CA10: variants seen among roughly 807,000 people sequenced by gnomAD.
CA10 encodes carbonic anhydrase-related protein 10.
In CA10, 14 loss-of-function variants were observed where a neutral mutation model predicts 44.2. That is an observed-to-expected ratio of 0.32 (90% confidence interval 0.21 to 0.50). CA10 has a LOEUF of 0.50. Among genes scored for constraint, CA10 ranks in the 20% least tolerant of loss-of-function variants. The pLI is 0.99. For synonymous variants in CA10, 159 were observed against 141.6 expected (o/e 1.12, Z -0.87); for missense variants, 350 against 409.7 (o/e 0.85, Z 1.26).
At chr17:52,050,258 C>A (rs1162746411) in intron 2 of CA10, among the ~76,000 whole-genome samples, 4 of 143,784 alleles carry the variant, frequency 2.8e-5, no homozygotes, top group Admixed American at 1.4e-4. Context: ...GCTTTTTTTT[C>A]CCCCATTCAA....
At chr17:51,730,664 G>T (rs999050154) in intron 4 of CA10, among the ~76,000 whole-genome samples, 2 of 152,012 alleles carry the variant, frequency 1.3e-5, no homozygotes, top group African/African-American at 2.4e-5. Context: ...CATATTAAAG[G>T]TCCACTGTAA....
chr17:51,727,337 G>C (rs1430568429), intron 4 of CA10, among the ~76,000 whole-genome samples: 1 of 152,090 alleles, frequency 6.6e-6, no homozygotes, highest in African/African-American at 2.4e-5. Flanking sequence ...ATCACCTGTG[G>C]AGTAGGAGGG....
Position 51,717,741 on chromosome 17 carries a change from A to ATGTGTATATATG in CA10, c.465+29891_465+29892insCATATATACACA, listed in dbSNP as rs1916186837. On this transcript the variant is annotated intron_variant, in intron 4 of 8. Transcript: ENST00000451037. ...TACGTATATATACATATATACGTAT[A>ATGTGTATATATG]TATACATGTATATATACGTATATAT... is the stretch of plus-strand genomic sequence containing the variant. 7.0e-4 allele frequency among the ~76,000 whole-genome samples: 24 copies of ATGTGTATATATG among 34,316 alleles called. 6 individuals are homozygous for ATGTGTATATATG. Among genetic ancestry groups the ATGTGTATATATG allele is most frequent in the Admixed American group, 1.4e-3 (3 of 2,184 alleles). The allele number at this position is 34,316 out of a possible 152,430, so 22.5% of individuals were successfully genotyped here.
At chr17:51,683,090 A>T (rs1400214975) in intron 4 of CA10, among the ~76,000 whole-genome samples, 1 of 152,178 alleles carries the variant, frequency 6.6e-6, no homozygotes, top group Non-Finnish European at 1.5e-5. Context: ...ACTTCATTAA[A>T]CTGTAATTCA....
At chr17:51,985,129 T>C (rs1242367247) in intron 2 of CA10, among the ~76,000 whole-genome samples, 1 of 151,920 alleles carries the variant, frequency 6.6e-6, no homozygotes, top group Non-Finnish European at 1.5e-5. Flanking sequence ...AAATACTAGC[T>C]AACTGAATCC....
At chr17:51,634,549 AAGAAG>A (rs1480280255) in intron 7 of CA10, among the ~76,000 whole-genome samples, 4 of 152,120 alleles carry the variant, frequency 2.6e-5, no homozygotes, top group African/African-American at 9.7e-5. Context: ...CCTCTCAATA[AAGAAG>A]AGGAGTGTTC....
intron 3 of CA10, among the ~76,000 whole-genome samples, chr17:51,814,762 A>G (rs1907501089): frequency 6.6e-6 from 1 of 152,170 alleles, no homozygotes; most frequent in Non-Finnish European, 1.5e-5. Context: ...TGTCCATAAC[A>G]AATTTAACAA....
At chr17:51,967,979 G>T (rs559175873) in intron 2 of CA10, among the ~76,000 whole-genome samples, 1 of 151,814 alleles carries the variant, frequency 6.6e-6, no homozygotes, top group East Asian at 1.9e-4. Context: ...GATTATTGAG[G>T]TATAAGTAAT....
At chr17:52,010,904 G>A (rs1985771976) in intron 2 of CA10, among the ~76,000 whole-genome samples, 1 of 151,364 alleles carries the variant, frequency 6.6e-6, no homozygotes, top group Non-Finnish European at 1.5e-5. Context: ...TCAATGAGCA[G>A]GGAATGAAGT....
intron 6 of CA10, among the ~76,000 whole-genome samples, chr17:51,645,018 G>A (rs547977253): frequency 6.6e-6 from 1 of 152,044 alleles, no homozygotes; most frequent in African/African-American, 2.4e-5. Context: ...GGCTGGTCTC[G>A]AACTCCTGAC....
At chr17:51,832,679 A>C (rs904573574) in intron 3 of CA10, among the ~76,000 whole-genome samples, 2 of 152,234 alleles carry the variant, frequency 1.3e-5, no homozygotes, top group Admixed American at 6.5e-5. Context: ...GAGAAAAACC[A>C]GGAGCTTTAA....
intron 3 of CA10, among the ~76,000 whole-genome samples, chr17:51,869,238 C>T (rs1283879620): frequency 6.6e-6 from 1 of 152,108 alleles, no homozygotes; most frequent in Non-Finnish European, 1.5e-5. Flanking sequence ...GCCTTGAACA[C>T]TAACTTATGG....
chr17:51,949,181 A>G (rs1983393884), intron 2 of CA10, among the ~76,000 whole-genome samples: 1 of 152,196 alleles, frequency 6.6e-6, no homozygotes, highest in Non-Finnish European at 1.5e-5. Flanking sequence ...TGCAATAACT[A>G]TCAAACAATT....
At chr17:51,651,301 G>A (rs1913554661) in intron 5 of CA10, among the ~76,000 whole-genome samples, 1 of 152,206 alleles carries the variant, frequency 6.6e-6, no homozygotes, top group Non-Finnish European at 1.5e-5. Flanking sequence ...GGGCTGGCCT[G>A]TAGTACCTCA....
At chr17:51,977,010 G>A (rs1002883657) in intron 2 of CA10, among the ~76,000 whole-genome samples, 5 of 152,028 alleles carry the variant, frequency 3.3e-5, no homozygotes, top group Non-Finnish European at 7.4e-5. Context: ...AATAGAACAG[G>A]AAATGGAAAG....
intron 3 of CA10, among the ~76,000 whole-genome samples, chr17:51,881,801 G>A (rs1212022394): frequency 2.6e-5 from 4 of 152,084 alleles, no homozygotes; most frequent in African/African-American, 4.8e-5. Context: ...GGGTAGGAAC[G>A]GAACATCTTT....
chr17:51,737,909 G>T (rs1295230270), intron 4 of CA10, among the ~76,000 whole-genome samples: 1 of 152,136 alleles, frequency 6.6e-6, no homozygotes, highest in Non-Finnish European at 1.5e-5. Context: ...GACTGTGGCT[G>T]GTATTTGGGA....
At chr17:51,834,288 G>T (rs959172886) in intron 3 of CA10, among the ~76,000 whole-genome samples, 2 of 152,190 alleles carry the variant, frequency 1.3e-5, no homozygotes, top group African/African-American at 4.8e-5. Flanking sequence ...GCATGAGAAT[G>T]ATTTAGAGAT....
At chr17:51,765,690 CCT>C (rs1491482584) in intron 3 of CA10, among the ~76,000 whole-genome samples, 17 of 91,004 alleles carry the variant, frequency 1.9e-4, no homozygotes, top group African/African-American at 5.6e-4. Flanking sequence ...CAGGCAGCTC[CCT>C]GTGTGTGTGT....
Sources: gnomAD v4.1 joint callset for allele counts (sites outside exome capture counted in the v4.1 genomes callset) on GRCh38, gnomAD v4.1.1 for gene constraint, MANE v1.5 for transcripts, NCBI Gene and HGNC (gene_info 2026-07-23, HGNC 2026-07-21) for gene names.